The following LUZP1 variants were observed in gnomAD, a reference collection of about 807,000 sequenced individuals.
LUZP1 encodes the protein leucine zipper protein 1, also known as filamin mechanobinding actin cross-linking protein.
LUZP1 carries 25 observed loss-of-function variants against 71.3 expected under a neutral mutation model. The observed-to-expected ratio is 0.35, with a 90% CI of 0.26 to 0.49. The LOEUF is 0.49. Among genes scored for constraint, LUZP1 ranks in the 20% least tolerant of loss-of-function variants. The pLI is 0.99. For missense variants in LUZP1, 1,142 were observed against 1,300.8 expected (o/e 0.88, Z 1.88); for synonymous variants, 481 against 506.4 (o/e 0.95, Z 0.67).
chr1:23,126,256 C>T (rs570275596), intron 2 of LUZP1, among the ~76,000 whole-genome samples: 3 of 152,266 alleles, frequency 2.0e-5, no homozygotes, highest in African/African-American at 4.8e-5. Context: ...GCTCTCTCAA[C>T]TCATATAAAG....
chr1:23,131,289 T>A (rs1569631138), intron 2 of LUZP1, among the ~76,000 whole-genome samples: 2 of 144,208 alleles, frequency 1.4e-5, no homozygotes, highest in Non-Finnish European at 3.0e-5. Flanking sequence ...CCTCAGATCT[T>A]CCCATGGCAG....
chr1:23,111,081 T>C (rs1277966518), intron 2 of LUZP1, among the ~76,000 whole-genome samples: 2 of 150,692 alleles, frequency 1.3e-5, no homozygotes, highest in East Asian at 3.9e-4. Context: ...GTGCCTATAA[T>C]CCCAGCTACT....
chr1:23,085,547 GGTCC>G (rs1420026051), exon 5 of LUZP1: 1 of 152,442 alleles, frequency 6.6e-6, no homozygotes, highest in Non-Finnish European at 1.5e-5. Flanking sequence ...CCAGCCTCTG[GGTCC>G]CCATTCCTTT....
At position 23,090,783 on chromosome 1, in the gene LUZP1, C is replaced by T. The variant is rs1461973979; in HGVS notation, c.3072+407G>A. On this transcript the variant is annotated intron_variant, in intron 4 of 4. Coordinates refer to ENST00000302291, the Ensembl canonical transcript of LUZP1. ...GCTGACCTGGCTCCCCCTCACTGTG[C>T]CCTACAGAAAGGGCACCGGGCCTCC... The T allele has an allele frequency of 1.7e-5, 12 of 702,774 alleles. No homozygotes were observed. In the East Asian group the frequency reaches 1.9e-4, roughly 11 times the overall value. 43.5% of individuals were successfully genotyped at this position (702,774 alleles called of 1,614,324 possible).
At chr1:23,139,594 TG>T (rs1196584313) in intron 2 of LUZP1, among the ~76,000 whole-genome samples, 1 of 152,184 alleles carries the variant, frequency 6.6e-6, no homozygotes, top group African/African-American at 2.4e-5. Context: ...TTATGATTTT[TG>T]TAACAATTTC....
rs564892802 is a variant in LUZP1 at position 23,147,996 on chromosome 1, T to G, written c.-226+20770A>C. Among the ~76,000 whole-genome samples the G allele has an allele frequency of 4.6e-5, 7 of 152,358 alleles. No homozygotes were observed. The South Asian group carries it at 1.4e-3, about 32-fold the overall frequency. ...TGTGTAGTGATAATACTGCAAACCC[T>G]TATCTCTTAATATAAACTGCCACAT... On this transcript the variant is annotated intron_variant, in intron 2 of 4. Coordinates refer to ENST00000302291, the Ensembl canonical transcript of LUZP1.
intron 2 of LUZP1, among the ~76,000 whole-genome samples, chr1:23,127,505 T>C (rs1644181137): frequency 6.6e-6 from 1 of 152,150 alleles, no homozygotes; most frequent in African/African-American, 2.4e-5. Context: ...TCAGCTCCAA[T>C]TTTAGTTTTG....
intron 1 of LUZP1, among the ~76,000 whole-genome samples, chr1:23,172,861 T>C (rs1358140267): frequency 6.6e-6 from 1 of 151,198 alleles, no homozygotes; most frequent in Admixed American, 6.6e-5. Flanking sequence ...TGAGACAGAG[T>C]CTCGCTCTGT....
chr1:23,146,989 C>T (rs35985003), intron 2 of LUZP1, among the ~76,000 whole-genome samples: 16,225 of 151,060 alleles, frequency 0.11, 1,215 homozygotes, highest in Non-Finnish European at 0.17. Flanking sequence ...CCCAACTACT[C>T]GGGAGGCTGA....
chr1:23,093,511 G>A lies in LUZP1; in HGVS notation c.751C>T (p.Pro251Ser), dbSNP rs948515082. Reference sequence around the variant, plus strand: ...CCCTTCCTTCTTGATTCTTTGGACGGCAGTGTGGAAGAGATGCCATCCTCA... The same window carrying A: ...CCCTTCCTTCTTGATTCTTTGGACGACAGTGTGGAAGAGATGCCATCCTCA... The change falls in exon 4 of 5, where the codon CCG becomes TCG. Residue 251 changes from proline (P) to serine (S), a missense_variant. Pro to Ser is a moderately conservative substitution (Grantham distance 74, BLOSUM62 -1). Coordinates refer to ENST00000302291, the Ensembl canonical transcript of LUZP1. This position sits in a 1 kb window ranked among gnomAD's most constrained non-coding sequence, Gnocchi z 4.2. The A allele has an allele frequency of 6.2e-7, 1 of 1,613,104 alleles. No individual in the cohort carries two copies. The highest frequency in any genetic ancestry group is 1.7e-5 in the Admixed American group (1 of 59,844).
At chr1:23,099,578 GTTAAACC>G (rs1643915820) in intron 3 of LUZP1, among the ~76,000 whole-genome samples, 1 of 152,140 alleles carries the variant, frequency 6.6e-6, no homozygotes, top group African/African-American at 2.4e-5. Flanking sequence ...AGAAGGAAAC[GTTAAACC>G]TTAGTATAGC....
intron 2 of LUZP1, among the ~76,000 whole-genome samples, chr1:23,155,817 A>T (rs1644417162): frequency 6.6e-6 from 1 of 152,106 alleles, no homozygotes; most frequent in Non-Finnish European, 1.5e-5. Flanking sequence ...AAAAATTAAC[A>T]CTTAAATGAG....
intron 1 of LUZP1, among the ~76,000 whole-genome samples, chr1:23,175,712 C>T (rs1644578161): frequency 6.6e-6 from 1 of 152,200 alleles, no homozygotes; most frequent in African/African-American, 2.4e-5. Flanking sequence ...GACTGTAATA[C>T]AGCAAAAGTC....
At chr1:23,160,644 AC>A (rs1479704472) in intron 2 of LUZP1, among the ~76,000 whole-genome samples, 1 of 152,252 alleles carries the variant, frequency 6.6e-6, no homozygotes, top group Non-Finnish European at 1.5e-5. Context: ...TAAAATTGCT[AC>A]CTATACATAA....
rs1643882043 is a variant in LUZP1 at position 23,094,331 on chromosome 1, T to C, written c.-70A>G. On this transcript the variant is annotated 5_prime_UTR_variant, in exon 4 of 5. Coordinates refer to ENST00000302291, the Ensembl canonical transcript of LUZP1. This position sits in a 1 kb window ranked among gnomAD's most constrained non-coding sequence, Gnocchi z 4.7. ...CTCAAGGGGATGAGAAATGGTTACC[T>C]TTCTCTTGGCAACCACAATCTTCTT... is the stretch of plus-strand genomic sequence containing the variant. The C allele has an allele frequency of 4.0e-6, 6 of 1,508,894 alleles. No homozygotes were observed. The Admixed American group carries it at 1.4e-4, about 36-fold the overall frequency. The allele number at this position is 1,508,894 out of a possible 1,614,324, so 93.5% of individuals were successfully genotyped here. A position where few individuals can be genotyped will look rare whatever the true frequency, so the allele number is the denominator to read the frequency against.
rs1248662385 is a variant in LUZP1 at position 23,168,763 on chromosome 1, C to CA, written c.-226+2dup. ...CCGCCGCCGCCGCCTCACGGACCCTCACCTCTGCGGCCCCGAACCGCGCTC... is the reference window on the plus strand; with the variant it reads ...CCGCCGCCGCCGCCTCACGGACCCTCAACCTCTGCGGCCCCGAACCGCGCTC... On this transcript the variant is annotated splice_region_variant and intron_variant, in intron 2 of 4. Transcript: ENST00000302291. The CA allele has an allele frequency of 2.0e-5, 3 of 153,466 alleles. No individual in the cohort carries two copies. The highest frequency in any genetic ancestry group is 4.4e-5 in the Non-Finnish European group (3 of 68,530). 9.5% of individuals were successfully genotyped at this position (153,466 alleles called of 1,614,324 possible).
chr1:23,143,826 T>C (rs1177592055), intron 2 of LUZP1, among the ~76,000 whole-genome samples: 3 of 152,194 alleles, frequency 2.0e-5, no homozygotes, highest in Admixed American at 1.3e-4. Context: ...ACTTCTGTTT[T>C]ACAGATGAGA....
chr1:23,161,708 C>T (rs1177719265), intron 2 of LUZP1, among the ~76,000 whole-genome samples: 4 of 152,092 alleles, frequency 2.6e-5, no homozygotes, highest in African/African-American at 9.7e-5. Flanking sequence ...ACGGGCTATA[C>T]AGGGCATTAT....
At chr1:23,176,799 G>C (rs562113290) in intron 1 of LUZP1, among the ~76,000 whole-genome samples, 1 of 152,306 alleles carries the variant, frequency 6.6e-6, no homozygotes, top group East Asian at 1.9e-4. Flanking sequence ...TTCTCAAGAG[G>C]CTATAGACAT....
Sources: gnomAD v4.1 joint callset for allele counts (sites outside exome capture counted in the v4.1 genomes callset) on GRCh38, gnomAD v4.1.1 for gene constraint, Gnocchi (gnomAD v3.1) non-coding constraint, MANE v1.5 for transcripts, NCBI Gene and HGNC (gene_info 2026-07-23, HGNC 2026-07-21) for gene names.